CORO7: variants seen among roughly 807,000 people sequenced by gnomAD.
The protein encoded by CORO7 is coronin-7.
CORO7 carries 107 observed loss-of-function variants against 126.6 expected under a neutral mutation model. The observed-to-expected ratio is 0.85, with a 90% CI of 0.72 to 0.99. The LOEUF (loss-of-function observed/expected upper bound fraction) is 0.99. CORO7 is among the 50% of genes least tolerant of loss of function. The probability of loss-of-function intolerance (pLI) is 0.00; values close to 1 mark genes in which losing one functional copy is unlikely to be tolerated. For missense variants in CORO7, 1,314 were observed against 1,255.8 expected, an observed-to-expected ratio of 1.05 and a Z score of -0.70; for synonymous variants, 603 against 536.8, an observed-to-expected ratio of 1.12 and a Z score of -1.70.
In CORO7 at chr16:4,395,996, T is replaced by TGTGTGTGTGTGTGTGTGTG. The variant is rs55837244; in HGVS notation, c.565-658_565-657insCACACACACACACACACAC. ...AACAATGTGTGTGTGCATGCACACG[T>TGTGTGTGTGTGTGTGTGTG]TGTGTGTGTGTGTGTACACAAACAT... On this transcript the variant is annotated intron_variant, in intron 6 of 27. Transcript: ENST00000251166. Among the ~76,000 whole-genome samples the TGTGTGTGTGTGTGTGTGTG allele has an allele frequency of 4.1e-3, 620 of 151,220 alleles. 5 individuals carry two copies. Among genetic ancestry groups the TGTGTGTGTGTGTGTGTGTG allele is most frequent in the African/African-American group, 0.014 (574 of 41,228 alleles).
intron 9 of CORO7, among the ~76,000 whole-genome samples, chr16:4,379,060 GCTC>G (rs1431030881): frequency 1.3e-5 from 2 of 152,034 alleles, no homozygotes; most frequent in Non-Finnish European, 2.9e-5. Context: ...GGGACCACCT[GCTC>G]CTCCTCACAT....
At chr16:4,412,240 C>T (rs1043408888) in intron 3 of CORO7, 116 bp downstream of exon 3, 33 of 1,118,408 alleles carry the variant, frequency 3.0e-5, no homozygotes, top group African/African-American at 7.7e-5. Context: ...ACAGACAGGG[C>T]GACAGGAGGG....
intron 9 of CORO7, 28 bp downstream of exon 9, chr16:4,387,958 C>A (rs749013306): frequency 1.9e-6 from 3 of 1,611,368 alleles, no homozygotes; most frequent in Non-Finnish European, 8.5e-7. Flanking sequence ...ATCAGCCCCC[C>A]AGCCCACCTG....
At chr16:4,387,175 A>G (rs933421320) in intron 9 of CORO7, among the ~76,000 whole-genome samples, 7 of 151,412 alleles carry the variant, frequency 4.6e-5, no homozygotes, top group African/African-American at 1.7e-4. Context: ...ACGTCTCTGA[A>G]CACCCCCCCC....
Position 4,359,611 on chromosome 16 carries a change from G to A in CORO7, c.2119C>T (p.Arg707Cys), listed in dbSNP as rs774571246. The change falls in exon 22 of 28, where the codon CGC becomes TGC. Residue 707 changes from arginine (R) to cysteine (C), a missense_variant. Physicochemically the swap from Arg to Cys is radical, Grantham distance 180. Transcript: ENST00000251166. ...LVSGFDSQSE[R>C]QLLLYEAEAL... is the part of the protein sequence containing the mutation. ...TCAGCTTCATATAGGAGCAGCTGGC[G>A]CTCACTTTGGCTGCAAGGGGGTTTG... The A allele has an allele frequency of 2.6e-5, 41 of 1,596,948 alleles. No individual in the cohort carries two copies. The highest frequency in any genetic ancestry group is 4.5e-5 in the South Asian group (4 of 89,380).
At chr16:4,394,994 G>T (rs770093661) in intron 7 of CORO7, among the ~76,000 whole-genome samples, 30 of 152,340 alleles carry the variant, frequency 2.0e-4, no homozygotes, top group South Asian at 4.1e-4. Context: ...AGGTCTCAAA[G>T]GAAGGAAGTG....
At chr16:4,415,430 T>C (rs903878975) in intron 1 of CORO7, among the ~76,000 whole-genome samples, 1 of 152,152 alleles carries the variant, frequency 6.6e-6, no homozygotes, top group African/African-American at 2.4e-5. Context: ...CAGTCCCTCA[T>C]GTGTGTTCTT....
chr16:4,369,614 C>G (rs116814421), intron 9 of CORO7, among the ~76,000 whole-genome samples: 1 of 152,166 alleles, frequency 6.6e-6, no homozygotes, highest in African/African-American at 2.4e-5. Context: ...CCCGCCAGCT[C>G]TCCCAGGACT....
intron 22 of CORO7, 32 bp downstream of exon 22, chr16:4,359,448 C>G (rs2054088681): frequency 6.2e-7 from 1 of 1,613,348 alleles, no homozygotes; most frequent in Admixed American, 1.7e-5. Flanking sequence ...CACCACCTCT[C>G]ACCTGCCATC....
At chr16:4,410,739 G>C (rs1231824056) in intron 3 of CORO7, among the ~76,000 whole-genome samples, 2 of 152,180 alleles carry the variant, frequency 1.3e-5, no homozygotes, top group East Asian at 3.8e-4. Context: ...GCCAGTAAAC[G>C]TCTCCTGCGA....
chr16:4,358,042 C>A lies in CORO7; in HGVS notation c.2519G>T (p.Ser840Ile), dbSNP rs553598882. 21 of 1,613,464 alleles carry A rather than the reference C, an allele frequency of 1.3e-5. No homozygotes were observed. Among genetic ancestry groups the A allele is most frequent in the Non-Finnish European group, 1.8e-5 (21 of 1,179,748 alleles). Reference sequence around the variant, plus strand: ...AGCGCCTTGCAGCCAGGCCTCGGCACTGAGCACAGGCTCCCAGATCACAGC... The same window carrying A: ...AGCGCCTTGCAGCCAGGCCTCGGCAATGAGCACAGGCTCCCAGATCACAGC... ...DTAVIWEPVLSAEAWLQGANG... is the reference protein window; with the variant it reads ...DTAVIWEPVLIAEAWLQGANG... The change falls in exon 25 of 28, where the codon AGT becomes ATT. Residue 840 changes from serine (S) to isoleucine (I), a missense_variant. Physicochemically the swap from Ser to Ile is moderately radical, Grantham distance 142 (BLOSUM62 -2). Transcript: ENST00000251166.
intron 23 of CORO7, 97 bp from the exon 24 acceptor site, chr16:4,358,580 A>G: frequency 1.7e-6 from 2 of 1,176,072 alleles, no homozygotes; most frequent in South Asian, 3.1e-5. Flanking sequence ...ACTTAGGACC[A>G]CCATGCCTAG....
chr16:4,365,180 GA>G, intron 10 of CORO7, 120 bp from the exon 11 acceptor site: 1 of 1,453,198 alleles, frequency 6.9e-7, no homozygotes, highest in Non-Finnish European at 9.3e-7. Context: ...AGTGGCTGGA[GA>G]TGGGGCTCCC....
rs757720779 is a variant in CORO7 at position 4,359,573 on chromosome 16, G to A, written c.2157C>T (p.Gly719=). ...CCAGGCCCAACACTGCCAAGGGTCC[G>A]CCGGCCAGGGCCTCAGCTTCATATA... The part of the protein sequence containing the change: ...LLLYEAEALA[G]GPLAVLGLDV... Residue 719 remains glycine, a synonymous_variant, in exon 22 of 28, where the codon GGC becomes GGT. Transcript: ENST00000251166. 2.2e-5 allele frequency: 35 copies of A among 1,611,656 alleles called. No homozygotes were observed. The highest frequency in any genetic ancestry group is 8.3e-5 in the Admixed American group (5 of 59,890).
At chr16:4,359,107 T>C in intron 23 of CORO7, 189 bp downstream of exon 23, 1 of 663,358 alleles carries the variant, frequency 1.5e-6, no homozygotes, top group African/African-American at 1.8e-5. Flanking sequence ...AGTATGACAA[T>C]GGCTCTCAAA....
In CORO7 at chr16:4,388,508, C is replaced by G. The variant is rs773759782; in HGVS notation, c.702+37G>C. ...CCCAAAGGGCTGGACATGTCCCCAC[C>G]TGGCCGTGCCCTGCTCCTCCAGGAG... On this transcript the variant is annotated intron_variant, in intron 8 of 27. Transcript: ENST00000251166. 4 of 1,596,408 alleles carry G rather than the reference C, an allele frequency of 2.5e-6. No homozygotes were observed. The South Asian group carries it at 3.4e-5, about 14-fold the overall frequency.
At chr16:4,390,961 C>A (rs1247854352) in intron 7 of CORO7, among the ~76,000 whole-genome samples, 1 of 152,250 alleles carries the variant, frequency 6.6e-6, no homozygotes, top group Non-Finnish European at 1.5e-5. Flanking sequence ...TTCAGCCCAG[C>A]CTTCAGAGGT....
chr16:4,361,491 C>T (rs368663646), intron 16 of CORO7, 22 bp from the exon 17 acceptor site: 113 of 1,609,476 alleles, frequency 7.0e-5, no homozygotes, highest in Non-Finnish European at 8.8e-5. Context: ...GCCCCCACCC[C>T]GAGGCCCATC....
intron 6 of CORO7, among the ~76,000 whole-genome samples, chr16:4,403,990 G>C (rs532459757): frequency 6.6e-6 from 1 of 152,290 alleles, no homozygotes; most frequent in East Asian, 1.9e-4. Context: ...TCCCCAGAAG[G>C]GGCTCCCTGG....
Sources: gnomAD v4.1 joint callset for allele counts (sites outside exome capture counted in the v4.1 genomes callset) on GRCh38, gnomAD v4.1.1 for gene constraint, MANE v1.5 for transcripts, NCBI Gene and HGNC (gene_info 2026-07-23, HGNC 2026-07-21) for gene names.